TRHDE: variants seen among roughly 807,000 people sequenced by gnomAD.
The protein encoded by TRHDE is thyrotropin releasing hormone degrading enzyme.
In TRHDE, 72 loss-of-function variants were observed where a neutral mutation model predicts 125.7. That is an observed-to-expected ratio of 0.57 (90% CI 0.47 to 0.70). The LOEUF is 0.70. TRHDE is among the 30% of genes least tolerant of loss of function. The probability of loss-of-function intolerance (pLI) is 0.00; values close to 1 mark genes in which losing one functional copy is unlikely to be tolerated. For synonymous variants in TRHDE, 509 were observed against 509.1 expected, an observed-to-expected ratio of 1.00 and a Z score of 0.00; for missense variants, 1,110 against 1,327.1, an observed-to-expected ratio of 0.84 and a Z score of 2.54.
intron 3 of TRHDE, among the ~76,000 whole-genome samples, chr12:72,450,956 T>C (rs1489926771): frequency 6.6e-6 from 1 of 152,164 alleles, no homozygotes; most frequent in Non-Finnish European, 1.5e-5. Context: ...TTTGGAGAAC[T>C]GTCAATTGCA....
intron 6 of TRHDE, among the ~76,000 whole-genome samples, chr12:72,537,570 T>C (rs1415723243): frequency 1.3e-5 from 2 of 152,092 alleles, no homozygotes; most frequent in South Asian, 2.1e-4. Flanking sequence ...CTTTCCTTTA[T>C]GAATCTCCAA....
At position 72,160,177 on chromosome 12, in the gene TRHDE, T is replaced by G. The variant is rs139076111; in HGVS notation, n.279+54425T>G. Among the ~76,000 whole-genome samples the G allele has an allele frequency of 6.2e-4, 95 of 152,288 alleles. 1 individual carries two copies. The East Asian group carries it at 0.017, about 28-fold the overall frequency. On this transcript the variant is annotated intron_variant and non_coding_transcript_variant, in intron 2 of 4. Transcript: ENST00000548156. ...TACATACCCACATTGTTGGCCAAGG[T>G]TTCTTGGCTGCCCTCCCTGCCTCTC...
chr12:72,386,871 C>T (rs1202300689), intron 3 of TRHDE, among the ~76,000 whole-genome samples: 3 of 152,128 alleles, frequency 2.0e-5, no homozygotes, highest in Non-Finnish European at 2.9e-5. Context: ...CAGGGCAACA[C>T]TTTTTTTCTG....
chr12:72,565,038 GAC>G (rs554586702), intron 9 of TRHDE, among the ~76,000 whole-genome samples: 903 of 89,066 alleles, frequency 0.01, 5 homozygotes, highest in African/African-American at 0.082. Context: ...TCTCAAAAAT[GAC>G]TGACTTTCTA....
At chr12:72,638,639 G>C (rs1257469782) in intron 15 of TRHDE, among the ~76,000 whole-genome samples, 1 of 151,948 alleles carries the variant, frequency 6.6e-6, no homozygotes, top group Non-Finnish European at 1.5e-5. Flanking sequence ...GCAGCGGCTG[G>C]TACCGGTCGT....
chr12:72,500,922 C>T (rs1878128923), intron 6 of TRHDE, among the ~76,000 whole-genome samples: 1 of 140,594 alleles, frequency 7.1e-6, no homozygotes, highest in Non-Finnish European at 1.5e-5. Context: ...TTTGTAAACT[C>T]CTACAAAGAT....
At chr12:72,192,339 G>A (rs376823691) in intron 2 of TRHDE, among the ~76,000 whole-genome samples, 3 of 152,110 alleles carry the variant, frequency 2.0e-5, no homozygotes, top group East Asian at 1.9e-4. Context: ...ATTTTAAGCC[G>A]AAGTTTAAAA....
intron 3 of TRHDE, among the ~76,000 whole-genome samples, chr12:72,412,176 G>A (rs950809514): frequency 6.6e-6 from 1 of 152,056 alleles, no homozygotes; most frequent in Admixed American, 6.6e-5. Context: ...AGTGTGGTAA[G>A]ACAAATTACT....
At chr12:72,087,730 C>A (rs550711527) in intron 1 of TRHDE, among the ~76,000 whole-genome samples, 1 of 152,134 alleles carries the variant, frequency 6.6e-6, no homozygotes, top group South Asian at 2.1e-4. Context: ...AGGCTTGGAA[C>A]AACTGCTCAG....
At chr12:72,181,724 AT>A (rs1291542219) in intron 2 of TRHDE, among the ~76,000 whole-genome samples, 1 of 152,010 alleles carries the variant, frequency 6.6e-6, no homozygotes, top group Non-Finnish European at 1.5e-5. Context: ...TGAAGTCTTC[AT>A]CAGGGCAGGT....
chr12:72,149,164 T>G (rs945971226), intron 2 of TRHDE, among the ~76,000 whole-genome samples: 1 of 152,150 alleles, frequency 6.6e-6, no homozygotes, highest in Admixed American at 6.6e-5. Context: ...ACTATAGACC[T>G]GACTGCGAGG....
chr12:72,316,321 G>A (rs112507626), intron 2 of TRHDE, among the ~76,000 whole-genome samples: 2,477 of 152,176 alleles, frequency 0.016, 28 homozygotes, highest in Non-Finnish European at 0.026. Context: ...AAAAATGAGC[G>A]CATTGCCTGT....
chr12:72,104,463 A>G (rs1875137439), intron 1 of TRHDE, among the ~76,000 whole-genome samples: 1 of 152,192 alleles, frequency 6.6e-6, no homozygotes, highest in Non-Finnish European at 1.5e-5. Context: ...GAAATTGCCT[A>G]GTGCAATTCA....
chr12:72,253,072 G>A (rs1174751901), intron 2 of TRHDE, among the ~76,000 whole-genome samples: 1 of 151,956 alleles, frequency 6.6e-6, no homozygotes, highest in East Asian at 1.9e-4. Flanking sequence ...ACATCATTTT[G>A]TTATAACTTT....
intron 12 of TRHDE, among the ~76,000 whole-genome samples, chr12:72,617,405 T>C (rs1872864531): frequency 1.3e-5 from 2 of 152,154 alleles, no homozygotes; most frequent in Non-Finnish European, 1.5e-5. Context: ...AGGGTAATGT[T>C]TGCATATGAC....
chr12:72,287,464 C>G (rs774395437), intron 2 of TRHDE, among the ~76,000 whole-genome samples: 1 of 152,048 alleles, frequency 6.6e-6, no homozygotes, highest in Non-Finnish European at 1.5e-5. Context: ...CTCTGTGTAA[C>G]CATCCCTTGA....
intron 12 of TRHDE, among the ~76,000 whole-genome samples, chr12:72,595,608 T>C (rs1224899976): frequency 1.3e-5 from 2 of 152,270 alleles, no homozygotes; most frequent in East Asian, 1.9e-4. Context: ...AAAATTTTAA[T>C]TAAAATGTGC....
intron 2 of TRHDE, among the ~76,000 whole-genome samples, chr12:72,352,739 T>A (rs1870639358): frequency 6.6e-6 from 1 of 151,610 alleles, no homozygotes; most frequent in Non-Finnish European, 1.5e-5. Flanking sequence ...TATTATGACG[T>A]TTTTGAGGGT....
At chr12:72,619,059 T>G in intron 13 of TRHDE, 21 bp downstream of exon 13, 1 of 1,505,230 alleles carries the variant, frequency 6.6e-7, no homozygotes, top group Non-Finnish European at 8.9e-7. Context: ...ATAATTTTTC[T>G]TTCTAATTTT....
Sources: gnomAD v4.1 joint callset for allele counts (sites outside exome capture counted in the v4.1 genomes callset) on GRCh38, gnomAD v4.1.1 for gene constraint, MANE v1.5 for transcripts, NCBI Gene and HGNC (gene_info 2026-07-23, HGNC 2026-07-21) for gene names.